Variants in DPYD observed in about 807,000 individuals in gnomAD.
DPYD encodes the protein dihydropyrimidine dehydrogenase.
DPYD carries 109 observed loss-of-function variants against 116.2 expected under a neutral mutation model. That is an observed-to-expected ratio of 0.94 (90% CI 0.80 to 1.10). DPYD has a LOEUF of 1.10. Ranked by LOEUF, DPYD falls within the 50% of genes least tolerant of loss-of-function variation. The pLI is 0.00. For synonymous variants in DPYD, 440 were observed against 432.0 expected, an observed-to-expected ratio of 1.02 and a Z score of -0.23; for missense variants, 1,302 against 1,254.5, an observed-to-expected ratio of 1.04 and a Z score of -0.57.
intron 14 of DPYD, among the ~76,000 whole-genome samples, chr1:97,398,960 A>G (rs1374021291): frequency 6.6e-6 from 1 of 151,888 alleles, no homozygotes; most frequent in Non-Finnish European, 1.5e-5. Flanking sequence ...ATTAGATCCC[A>G]TTTGTCAATT....
At chr1:97,172,850 C>T (rs1295720100) in intron 20 of DPYD, among the ~76,000 whole-genome samples, 2 of 152,054 alleles carry the variant, frequency 1.3e-5, no homozygotes, top group Admixed American at 6.6e-5. Context: ...CCAGCCATTG[C>T]CTATAGAATG....
chr1:97,546,423 C>G, intron 12 of DPYD: 1 of 1,579,118 alleles, frequency 6.3e-7, no homozygotes, highest in East Asian at 2.2e-5. Flanking sequence ...AAGAAGAAAC[C>G]AATAGAGATT....
intron 3 of DPYD, among the ~76,000 whole-genome samples, chr1:97,823,382 C>T (rs1170544491): frequency 1.3e-5 from 2 of 152,168 alleles, no homozygotes; most frequent in East Asian, 3.9e-4. Context: ...TCTCCATCTC[C>T]TGTGACAACA....
At chr1:97,684,129 G>C (rs1360454563) in intron 7 of DPYD, among the ~76,000 whole-genome samples, 1 of 152,030 alleles carries the variant, frequency 6.6e-6, no homozygotes, top group Non-Finnish European at 1.5e-5. Flanking sequence ...GTTATGGTAG[G>C]GTGTCAATGT....
chr1:97,094,570 T>C (rs895638026), intron 21 of DPYD, among the ~76,000 whole-genome samples: 6 of 152,028 alleles, frequency 3.9e-5, no homozygotes, highest in Non-Finnish European at 8.8e-5. Flanking sequence ...ATGGGGTTCA[T>C]TGAGACAGAG....
chr1:97,222,680 T>C (rs969653538), intron 19 of DPYD, among the ~76,000 whole-genome samples: 24 of 152,134 alleles, frequency 1.6e-4, no homozygotes, highest in Admixed American at 1.6e-3. Flanking sequence ...AGCATTTTTT[T>C]CTTATATATT....
At chr1:97,577,593 T>G (rs957426414) in intron 10 of DPYD, among the ~76,000 whole-genome samples, 1 of 152,170 alleles carries the variant, frequency 6.6e-6, no homozygotes, top group African/African-American at 2.4e-5. Context: ...CTGTGCATTA[T>G]GTGTACCCCT....
intron 16 of DPYD, among the ~76,000 whole-genome samples, chr1:97,319,271 C>CA (rs1192466133): frequency 2.3e-4 from 35 of 150,696 alleles, no homozygotes; most frequent in Non-Finnish European, 4.7e-4. Context: ...AAAAACCCTT[C>CA]AAAAAATCAA....
chr1:97,645,906 T>C (rs1243865101), intron 8 of DPYD, among the ~76,000 whole-genome samples: 1 of 152,108 alleles, frequency 6.6e-6, no homozygotes, highest in Non-Finnish European at 1.5e-5. Flanking sequence ...GAATATCAAA[T>C]ACTTGGCTCA....
intron 14 of DPYD, among the ~76,000 whole-genome samples, chr1:97,435,615 T>C (rs1253550883): frequency 6.6e-6 from 1 of 151,744 alleles, no homozygotes; most frequent in African/African-American, 2.4e-5. Context: ...AAAATAACAA[T>C]TAAAAAAGAA....
At chr1:97,874,618 G>T (rs192094408) in intron 2 of DPYD, among the ~76,000 whole-genome samples, 18 of 151,978 alleles carry the variant, frequency 1.2e-4, no homozygotes, top group Admixed American at 1.2e-3. Flanking sequence ...GGAAATACAA[G>T]ACAAAATTAT....
At chr1:97,621,910 A>C (rs994447872) in intron 8 of DPYD, among the ~76,000 whole-genome samples, 1 of 152,096 alleles carries the variant, frequency 6.6e-6, no homozygotes, top group Admixed American at 6.6e-5. Context: ...CCCAATGGAC[A>C]CAGCCAGAAC....
intron 19 of DPYD, among the ~76,000 whole-genome samples, chr1:97,223,872 A>T (rs1032891549): frequency 6.6e-6 from 1 of 152,020 alleles, no homozygotes; most frequent in African/African-American, 2.4e-5. Context: ...ATTACTAGTT[A>T]TTTATTTATT....
intron 5 of DPYD, chr1:97,719,828 T>G (rs1662820573): frequency 1.0e-6 from 1 of 984,398 alleles, no homozygotes; most frequent in African/African-American, 1.7e-5. Context: ...AAACTATAAT[T>G]GGAATGAAAT....
At chr1:97,880,045 T>G (rs555639567) in intron 2 of DPYD, among the ~76,000 whole-genome samples, 24 of 151,656 alleles carry the variant, frequency 1.6e-4, no homozygotes, top group African/African-American at 2.2e-4. Flanking sequence ...TAGAGAGAGA[T>G]ATATGTATAT....
chr1:97,784,733 T>C (rs1317580103), intron 3 of DPYD, among the ~76,000 whole-genome samples: 1 of 152,200 alleles, frequency 6.6e-6, no homozygotes, highest in Admixed American at 6.6e-5. Context: ...GAGGGATGCA[T>C]ATTACCAGAT....
At chr1:97,235,121 T>G in intron 18 of DPYD, 127 bp from the exon 19 acceptor site, 1 of 1,068,598 alleles carries the variant, frequency 9.4e-7, no homozygotes, top group Admixed American at 1.9e-5. Flanking sequence ...TTATCTCTGT[T>G]TAAGATGTAT....
chr1:97,586,212 A>T (rs1378874070), intron 10 of DPYD: 1 of 152,288 alleles, frequency 6.6e-6, no homozygotes, highest in Non-Finnish European at 1.5e-5. Flanking sequence ...AACCCACAAA[A>T]GATCCTTGAA....
intron 16 of DPYD, among the ~76,000 whole-genome samples, chr1:97,319,356 G>T (rs1668086442): frequency 1.4e-5 from 2 of 146,328 alleles, no homozygotes; most frequent in African/African-American, 2.5e-5. Context: ...AAGAAAAAAA[G>T]AGAGAAGAAT....
Sources: gnomAD v4.1 joint callset for allele counts (sites outside exome capture counted in the v4.1 genomes callset) on GRCh38, gnomAD v4.1.1 for gene constraint, MANE v1.5 for transcripts, NCBI Gene and HGNC (gene_info 2026-07-23, HGNC 2026-07-21) for gene names.